VAV3: variants seen among roughly 807,000 people sequenced by gnomAD.
VAV3 encodes the protein vav guanine nucleotide exchange factor 3.
In VAV3, 94 loss-of-function variants were observed where a neutral mutation model predicts 131.2. The ratio of observed to expected loss-of-function variants is 0.72; its 90% CI spans 0.61 to 0.85. VAV3 has a LOEUF of 0.85. Among genes scored for constraint, VAV3 ranks in the 40% least tolerant of loss-of-function variants. VAV3 has a pLI of 0.00. For missense variants in VAV3, 939 were observed against 1,002.7 expected (o/e 0.94, Z 0.86); for synonymous variants, 349 against 342.0 (o/e 1.02, Z -0.22).
At chr1:107,683,856 C>A (rs1399426380) in intron 18 of VAV3, among the ~76,000 whole-genome samples, 1 of 152,140 alleles carries the variant, frequency 6.6e-6, no homozygotes, top group African/African-American at 2.4e-5. Flanking sequence ...AGCCCAGCAG[C>A]CATCTTGGTT....
intron 2 of VAV3, among the ~76,000 whole-genome samples, chr1:107,843,670 G>A (rs1268295821): frequency 6.6e-6 from 1 of 151,860 alleles, no homozygotes; most frequent in Non-Finnish European, 1.5e-5. Context: ...AACATAGAAA[G>A]CCAAACTTCA....
chr1:107,756,017 C>T (rs1160253694), intron 11 of VAV3, among the ~76,000 whole-genome samples: 1 of 151,988 alleles, frequency 6.6e-6, no homozygotes, highest in African/African-American at 2.4e-5. Flanking sequence ...TCAAGGAAAC[C>T]GGTTCAATTT....
intron 25 of VAV3, chr1:107,576,385 G>A: frequency 1.3e-6 from 2 of 1,504,792 alleles, no homozygotes; most frequent in Non-Finnish European, 1.8e-6. Context: ...AAGTAGTAAA[G>A]CAGTACCTGA....
At chr1:107,909,256 G>C (rs1444460814) in intron 1 of VAV3, among the ~76,000 whole-genome samples, 1 of 152,070 alleles carries the variant, frequency 6.6e-6, no homozygotes, top group African/African-American at 2.4e-5. Context: ...TTCACACATA[G>C]AAAACTATTC....
intron 15 of VAV3, among the ~76,000 whole-genome samples, chr1:107,747,333 AG>A (rs1663412981): frequency 6.6e-6 from 1 of 152,184 alleles, no homozygotes; most frequent in South Asian, 2.1e-4. Flanking sequence ...ACTCATCTGA[AG>A]ATTATATAGC....
At chr1:107,824,501 C>T (rs911916814) in intron 2 of VAV3, among the ~76,000 whole-genome samples, 12 of 152,094 alleles carry the variant, frequency 7.9e-5, no homozygotes, top group African/African-American at 2.7e-4. Flanking sequence ...GAAAAGGATC[C>T]ACAGATAAAT....
At chr1:107,864,596 CT>C (rs1378327665) in intron 2 of VAV3, among the ~76,000 whole-genome samples, 1 of 152,192 alleles carries the variant, frequency 6.6e-6, no homozygotes, top group Non-Finnish European at 1.5e-5. Context: ...GCACTCCAGC[CT>C]AGGCATGGAG....
chr1:107,609,680 G>A (rs1174206106), intron 22 of VAV3: 2 of 397,896 alleles, frequency 5.0e-6, no homozygotes, highest in Non-Finnish European at 4.5e-6. Flanking sequence ...ATTCCTTTCT[G>A]TGGCTGGTAT....
intron 15 of VAV3, among the ~76,000 whole-genome samples, chr1:107,736,983 C>T (rs989673190): frequency 6.6e-6 from 1 of 152,212 alleles, no homozygotes; most frequent in African/African-American, 2.4e-5. Context: ...ACCAAAACAG[C>T]ATGGTACTGG....
intron 1 of VAV3, among the ~76,000 whole-genome samples, chr1:107,886,637 A>G (rs1372539610): frequency 6.6e-6 from 1 of 152,222 alleles, no homozygotes; most frequent in Non-Finnish European, 1.5e-5. Context: ...AGTTTCCAAA[A>G]TAGCTTTCCT....
intron 1 of VAV3, among the ~76,000 whole-genome samples, chr1:107,918,014 G>A (rs773142715): frequency 7.9e-5 from 12 of 152,146 alleles, no homozygotes; most frequent in Admixed American, 1.3e-4. Context: ...TTATTTAATC[G>A]ACAAATATTC....
chr1:107,610,383 T>C (rs1375287330), intron 21 of VAV3, among the ~76,000 whole-genome samples: 1 of 151,970 alleles, frequency 6.6e-6, no homozygotes, highest in African/African-American at 2.4e-5. Context: ...GTATTTAATA[T>C]TTTTAATATT....
chr1:107,814,845 A>G (rs79101907), intron 2 of VAV3, among the ~76,000 whole-genome samples: 92 of 152,354 alleles, frequency 6.0e-4, no homozygotes, highest in Middle Eastern at 3.4e-3. Context: ...GAACAAGGAA[A>G]GAGAGATTAT....
intron 1 of VAV3, among the ~76,000 whole-genome samples, chr1:107,882,785 T>A (rs1443642035): frequency 1.3e-5 from 2 of 152,200 alleles, no homozygotes; most frequent in Non-Finnish European, 2.9e-5. Flanking sequence ...ATCATCCTCA[T>A]TCTAAGAAAT....
chr1:107,614,484 A>C (rs1488354902), intron 21 of VAV3, among the ~76,000 whole-genome samples: 1 of 152,088 alleles, frequency 6.6e-6, no homozygotes, highest in Non-Finnish European at 1.5e-5. Context: ...ATAATTAAAA[A>C]AAAAATCTAT....
chr1:107,583,730 A>G (rs1448505705), intron 25 of VAV3, among the ~76,000 whole-genome samples: 1 of 151,956 alleles, frequency 6.6e-6, no homozygotes, highest in East Asian at 1.9e-4. Context: ...GGAGAACTAC[A>G]AACCACTGCT....
intron 15 of VAV3, among the ~76,000 whole-genome samples, chr1:107,735,883 C>T (rs879933451): frequency 5.3e-5 from 8 of 152,134 alleles, no homozygotes; most frequent in Non-Finnish European, 5.9e-5. Context: ...ATACCAAAGC[C>T]TGGCAGTGAC....
chr1:107,794,634 AC>A (rs1333737081), intron 2 of VAV3, among the ~76,000 whole-genome samples: 1 of 152,094 alleles, frequency 6.6e-6, no homozygotes, highest in Non-Finnish European at 1.5e-5. Context: ...CTGCTTTAGG[AC>A]TCTGTTACTT....
intron 15 of VAV3, among the ~76,000 whole-genome samples, chr1:107,726,017 G>A (rs754052644): frequency 7.2e-5 from 11 of 151,818 alleles, no homozygotes; most frequent in Middle Eastern, 6.3e-3. Context: ...TCGAATTTAG[G>A]TTATTGCTAG....
Sources: allele counts gnomAD v4.1 joint callset (sites outside exome capture counted in the v4.1 genomes callset), GRCh38; gene constraint gnomAD v4.1.1; transcripts MANE v1.5; gene names NCBI Gene and HGNC (gene_info 2026-07-23, HGNC 2026-07-21).